The following MED27 variants were observed in gnomAD, a reference collection of about 807,000 sequenced individuals.
MED27 encodes the protein mediator complex subunit 27.
In MED27, 30 loss-of-function variants were observed where a neutral mutation model predicts 38.2. That is an observed-to-expected ratio of 0.79 (90% confidence interval 0.59 to 1.07). The LOEUF (loss-of-function observed/expected upper bound fraction) is 1.07, where lower values mean the gene tolerates loss of function less well. MED27 is among the 50% of genes least tolerant of loss of function. MED27 has a pLI of 0.00. For synonymous variants in MED27, 122 were observed against 153.5 expected, an observed-to-expected ratio of 0.79 and a Z score of 1.52; for missense variants, 289 against 397.5, an observed-to-expected ratio of 0.73 and a Z score of 2.32.
intron 3 of MED27, among the ~76,000 whole-genome samples, chr9:131,962,257 G>A (rs960790825): frequency 6.6e-6 from 1 of 152,166 alleles, no homozygotes; most frequent in Admixed American, 6.5e-5. Context: ...TTATTTTTGA[G>A]ACGGGGTCTG....
chr9:132,033,240 T>A (rs532956572), intron 2 of MED27, among the ~76,000 whole-genome samples: 12 of 152,318 alleles, frequency 7.9e-5, no homozygotes, highest in African/African-American at 2.9e-4. Context: ...AGGTTAACAA[T>A]GTTTAAGAAA....
intron 3 of MED27, among the ~76,000 whole-genome samples, chr9:131,950,215 C>T (rs764862814): frequency 6.6e-6 from 1 of 152,110 alleles, no homozygotes. Flanking sequence ...CAATTAACAA[C>T]GGTTATTAAG....
chr9:131,951,630 A>G (rs1830998841), intron 3 of MED27, among the ~76,000 whole-genome samples: 1 of 152,236 alleles, frequency 6.6e-6, no homozygotes, highest in African/African-American at 2.4e-5. Flanking sequence ...TAGCATCACT[A>G]TCCTCTTCAC....
At position 131,862,480 on chromosome 9, in the gene MED27, T is replaced by C. The variant is rs573428685; in HGVS notation, c.801+583A>G. Among the ~76,000 whole-genome samples, 1 of 152,274 alleles carries C rather than the reference T, an allele frequency of 6.6e-6. No individual in the cohort carries two copies. Among genetic ancestry groups the C allele is most frequent in the Non-Finnish European group, 1.5e-5 (1 of 68,006 alleles). On this transcript the variant is annotated intron_variant, in intron 7 of 7. Coordinates refer to ENST00000292035, the MANE Select transcript of MED27 (RefSeq NM_004269.4). The surrounding 1 kb of genome is among the most constrained non-coding windows in gnomAD (Gnocchi z 4.6). ...GTGATAAATGCTGATAAACTGGCCC[T>C]GGGGTTCGGGGGAAGTCCTGACTTG...
At position 132,042,194 on chromosome 9, in the gene MED27, G is replaced by C. The variant is rs141371190; in HGVS notation, c.349-27727C>G. On this transcript the variant is annotated intron_variant, in intron 2 of 7. Transcript: ENST00000292035. ...TTCTTCCTCTACAAATGAAGAGGCT[G>C]GCTTAAGGATGACAAAGATGATGGT... is the stretch of plus-strand genomic sequence containing the variant. Among the ~76,000 whole-genome samples, 27 of 152,274 alleles carry C rather than the reference G, an allele frequency of 1.8e-4. No homozygotes were observed. In the East Asian group the frequency reaches 5.2e-3, roughly 29 times the overall value.
At chr9:131,863,418 A>T (rs548643724) in intron 6 of MED27, among the ~76,000 whole-genome samples, 1 of 152,356 alleles carries the variant, frequency 6.6e-6, no homozygotes, top group East Asian at 1.9e-4. Flanking sequence ...GAGCACTGGC[A>T]GAGGGAGCGG....
chr9:131,945,724 C>T (rs1564293774), intron 3 of MED27, among the ~76,000 whole-genome samples: 1 of 150,640 alleles, frequency 6.6e-6, no homozygotes, highest in African/African-American at 2.5e-5. Context: ...CACTGGGAGG[C>T]CAAGGCAGGA....
At chr9:131,944,336 G>A (rs2130974685) in intron 3 of MED27, among the ~76,000 whole-genome samples, 1 of 152,080 alleles carries the variant, frequency 6.6e-6, no homozygotes, top group East Asian at 1.9e-4. Flanking sequence ...CACCTCATGA[G>A]GCAACCCCTT....
chr9:132,064,313 A>G (rs1048904890), intron 2 of MED27, among the ~76,000 whole-genome samples: 1 of 152,216 alleles, frequency 6.6e-6, no homozygotes, highest in Non-Finnish European at 1.5e-5. Flanking sequence ...ATGCACGGGC[A>G]AAATCGGCCT....
chr9:131,894,152 C>T (rs1334483754), intron 4 of MED27, among the ~76,000 whole-genome samples, 160 bp from the exon 5 acceptor site: 3 of 152,206 alleles, frequency 2.0e-5, no homozygotes, highest in Non-Finnish European at 4.4e-5. Flanking sequence ...TCAATAACAG[C>T]AAGTTCTTTC....
chr9:132,004,095 A>C (rs1258769733), intron 3 of MED27, among the ~76,000 whole-genome samples: 2 of 152,128 alleles, frequency 1.3e-5, no homozygotes, highest in Admixed American at 6.5e-5. Context: ...GAACCGAGGA[A>C]ACCCCCCGGG....
In MED27 at chr9:131,880,725, G is replaced by GTT. The variant is rs397943494; in HGVS notation, c.723+3332_723+3333insAA. ...AAATTTTAAACACTTCTGCTTCAGA[G>GTT]TGTGTTTGTAATTTTAAATAAATAC... On this transcript the variant is annotated intron_variant, in intron 6 of 7. Transcript: ENST00000292035. Among the ~76,000 whole-genome samples, 491 of 152,286 alleles carry GTT rather than the reference G, an allele frequency of 3.2e-3. 8 individuals are homozygous for GTT. Among genetic ancestry groups the GTT allele is most frequent in the African/African-American group, 0.011 (471 of 41,556 alleles).
chr9:131,878,412 TA>T (rs1320019369), intron 6 of MED27, among the ~76,000 whole-genome samples: 1 of 152,166 alleles, frequency 6.6e-6, no homozygotes, highest in African/African-American at 2.4e-5. Flanking sequence ...TGCTCACAGC[TA>T]AAAGTTCAGA....
intron 6 of MED27, among the ~76,000 whole-genome samples, chr9:131,879,312 C>T (rs148071022): frequency 3.1e-4 from 46 of 147,782 alleles, no homozygotes; most frequent in African/African-American, 1.1e-3. Flanking sequence ...AGGGTGGGCA[C>T]GGGTGGGGGG....
rs566922758 is a variant in MED27 at position 131,964,122 on chromosome 9, T to C, written c.480-24648A>G. On this transcript the variant is annotated intron_variant, in intron 3 of 7. Coordinates refer to ENST00000292035, the MANE Select transcript of MED27 (RefSeq NM_004269.4). ...GGCTCCAGTGAACCTGGGGAAGTAA[T>C]TAATCACTCTGAGCATCAGTTTCCT... Among the ~76,000 whole-genome samples, 3 of 152,066 alleles carry C rather than the reference T, an allele frequency of 2.0e-5. No individual in the cohort carries two copies. In the South Asian group the frequency reaches 6.2e-4, roughly 32 times the overall value.
At chr9:132,032,148 C>T in intron 2 of MED27, 1 of 152,162 alleles carries the variant, frequency 6.6e-6, no homozygotes, top group Non-Finnish European at 1.5e-5. Flanking sequence ...TGCCACAAGC[C>T]CACGAGCCGA....
At chr9:131,975,377 G>T (rs1473992422) in intron 3 of MED27, among the ~76,000 whole-genome samples, 1 of 152,182 alleles carries the variant, frequency 6.6e-6, no homozygotes, top group Non-Finnish European at 1.5e-5. Flanking sequence ...TCATCTTGCT[G>T]AACAGTTCGT....
At chr9:132,059,231 C>T (rs921435876) in intron 2 of MED27, among the ~76,000 whole-genome samples, 9 of 152,154 alleles carry the variant, frequency 5.9e-5, no homozygotes, top group Admixed American at 4.6e-4. Context: ...GCTTCTAACC[C>T]GAACTTTGGA....
intron 2 of MED27, among the ~76,000 whole-genome samples, chr9:132,030,335 C>G (rs1832930264): frequency 2.0e-5 from 3 of 152,210 alleles, no homozygotes; most frequent in Admixed American, 2.0e-4. Flanking sequence ...CCATCACACA[C>G]CAGGTACTCT....
Sources: gnomAD v4.1 joint callset for allele counts (sites outside exome capture counted in the v4.1 genomes callset) on GRCh38, gnomAD v4.1.1 for gene constraint, Gnocchi (gnomAD v3.1) non-coding constraint, MANE v1.5 for transcripts, NCBI Gene and HGNC (gene_info 2026-07-23, HGNC 2026-07-21) for gene names.